Variants in CDKN2B-AS1 observed in about 807,000 individuals in gnomAD.
The protein encoded by CDKN2B-AS1 is CDKN2B and CDKN2A antisense cis and trans regulatory RNA 1, also known as CDKN2B antisense RNA 1 (non-protein coding).
intron 4 of CDKN2B-AS1, among the ~76,000 whole-genome samples, chr9:22,101,758 A>G (rs1402878125): frequency 2.6e-5 from 4 of 151,892 alleles, no homozygotes; most frequent in Non-Finnish European, 5.9e-5. Flanking sequence ...TAGAAAAACT[A>G]AGAAGAGAGG....
At chr9:22,053,942 T>A (rs1823455607) in intron 3 of CDKN2B-AS1, among the ~76,000 whole-genome samples, 1 of 118,086 alleles carries the variant, frequency 8.5e-6, no homozygotes, top group African/African-American at 3.2e-5. Context: ...GGCTTTGCAA[T>A]AAGCAGCCTT....
intron 4 of CDKN2B-AS1, chr9:22,112,229 A>G (rs1825821495): frequency 2.0e-5 from 3 of 152,232 alleles, no homozygotes; most frequent in South Asian, 4.1e-4. Context: ...TAGAACAGCC[A>G]AAACAAGGGG....
chr9:22,035,152 T>C (rs1822636875), intron 1 of CDKN2B-AS1, among the ~76,000 whole-genome samples: 1 of 148,724 alleles, frequency 6.7e-6, no homozygotes, highest in South Asian at 2.1e-4. Context: ...AACATTTATC[T>C]TTTTTTTTTA....
At chr9:22,106,133 A>G (rs886871993) in intron 4 of CDKN2B-AS1, among the ~76,000 whole-genome samples, 1 of 152,092 alleles carries the variant, frequency 6.6e-6, no homozygotes, top group Non-Finnish European at 1.5e-5. Flanking sequence ...CCCAGGCTGG[A>G]GTGCAGTGGC....
At chr9:22,062,575 A>C (rs375102490) in intron 4 of CDKN2B-AS1, among the ~76,000 whole-genome samples, 1 of 152,244 alleles carries the variant, frequency 6.6e-6, no homozygotes, top group East Asian at 1.9e-4. Context: ...ATTTCCTTAC[A>C]TGATTCCAAG....
intron 4 of CDKN2B-AS1, among the ~76,000 whole-genome samples, chr9:22,123,860 A>T (rs1052528829): frequency 6.6e-6 from 1 of 152,232 alleles, no homozygotes; most frequent in Non-Finnish European, 1.5e-5. Flanking sequence ...GTAAACAATG[A>T]CAACGGAAAG....
intron 1 of CDKN2B-AS1, among the ~76,000 whole-genome samples, chr9:22,014,303 C>T (rs1821644869): frequency 1.3e-5 from 2 of 152,066 alleles, no homozygotes; most frequent in Non-Finnish European, 2.9e-5. Flanking sequence ...GCTAGGACTA[C>T]AGGCACACAT....
chr9:22,116,358 CTG>C (rs777546571), intron 4 of CDKN2B-AS1, among the ~76,000 whole-genome samples: 6 of 152,230 alleles, frequency 3.9e-5, no homozygotes, highest in Non-Finnish European at 7.3e-5. Context: ...GTTCTGGAAA[CTG>C]TGATACATTA....
chr9:22,029,296 C>A, intron 1 of CDKN2B-AS1: 1 of 633,896 alleles, frequency 1.6e-6, no homozygotes, highest in South Asian at 2.1e-5. Context: ...AAAGCTATTA[C>A]CGTCTTTATC....
intron 1 of CDKN2B-AS1, among the ~76,000 whole-genome samples, chr9:22,011,325 A>C (rs776751538): frequency 3.9e-5 from 6 of 152,258 alleles, no homozygotes; most frequent in Non-Finnish European, 8.8e-5. Flanking sequence ...AAAGAATATT[A>C]TATAGTCTAT....
chr9:22,012,108 G>T lies in CDKN2B-AS1; in HGVS notation n.29+16947G>T. On this transcript the variant is annotated intron_variant and non_coding_transcript_variant, in intron 1 of 4. Transcript: ENST00000650946. ...TTGATATAGAAGTATGAACAGATCT[G>T]CCATCCTCTTTTTCTTCAGCGAGGC... is the stretch of plus-strand genomic sequence containing the variant. 8.7e-6 allele frequency: 7 copies of T among 805,748 alleles called. No individual in the cohort carries two copies. The South Asian group carries it at 8.9e-5, about 10-fold the overall frequency. The allele number at this position is 805,748 out of a possible 1,614,324, so 49.9% of individuals were successfully genotyped here.
chr9:22,013,706 G>GC (rs1356338104), intron 1 of CDKN2B-AS1, among the ~76,000 whole-genome samples: 2 of 152,118 alleles, frequency 1.3e-5, no homozygotes, highest in Admixed American at 1.3e-4. Flanking sequence ...TTTCACCTCG[G>GC]CCCCCCAAAG....
intron 4 of CDKN2B-AS1, among the ~76,000 whole-genome samples, chr9:22,068,069 A>T (rs192794259): frequency 6.6e-5 from 10 of 152,302 alleles, no homozygotes; most frequent in Admixed American, 6.5e-4. Flanking sequence ...TATCTGACAC[A>T]TAAGAGGGGC....
At chr9:22,035,052 A>G (rs759642194) in intron 1 of CDKN2B-AS1, among the ~76,000 whole-genome samples, 48 of 152,198 alleles carry the variant, frequency 3.2e-4, no homozygotes, top group Non-Finnish European at 5.4e-4. Context: ...GGAGTAAGCT[A>G]TGTAGCTAAA....
At chr9:22,116,520 C>G (rs1038290449) in intron 4 of CDKN2B-AS1, among the ~76,000 whole-genome samples, 1 of 152,114 alleles carries the variant, frequency 6.6e-6, no homozygotes, top group African/African-American at 2.4e-5. Flanking sequence ...GAAAATATAG[C>G]CTGCTTGATG....
chr9:22,094,797 A>C (rs10738608), intron 4 of CDKN2B-AS1, among the ~76,000 whole-genome samples: 84,082 of 142,624 alleles, frequency 0.59, 28,257 homozygotes, highest in African/African-American at 0.84. Context: ...TCATCTGAAG[A>C]CTTCTTCTCT....
intron 4 of CDKN2B-AS1, among the ~76,000 whole-genome samples, chr9:22,059,667 G>A (rs1305521243): frequency 6.6e-6 from 1 of 152,260 alleles, no homozygotes; most frequent in African/African-American, 2.4e-5. Flanking sequence ...GGGACTGTGT[G>A]TGGGGGCTCT....
chr9:22,088,605 T>G (rs1288560327), intron 4 of CDKN2B-AS1, among the ~76,000 whole-genome samples: 1 of 152,228 alleles, frequency 6.6e-6, no homozygotes, highest in Non-Finnish European at 1.5e-5. Context: ...AACATGGTTT[T>G]GAATATTTCT....
intron 1 of CDKN2B-AS1, chr9:22,032,686 A>G (rs144235766): frequency 2.1e-4 from 32 of 151,984 alleles, no homozygotes; most frequent in East Asian, 2.0e-3. Context: ...AATTTATAGC[A>G]CTGATCTGTC....
Sources: allele counts gnomAD v4.1 joint callset (sites outside exome capture counted in the v4.1 genomes callset), GRCh38; gene constraint gnomAD v4.1.1; transcripts MANE v1.5; gene names NCBI Gene and HGNC (gene_info 2026-07-23, HGNC 2026-07-21).